Variants in ARMC8 observed in about 807,000 individuals in gnomAD.
ARMC8 encodes the protein armadillo repeat-containing protein 8.
ARMC8 carries 20 observed loss-of-function variants against 99.3 expected under a neutral mutation model. The ratio of observed to expected loss-of-function variants is 0.20; its 90% CI spans 0.14 to 0.29. ARMC8 has a LOEUF of 0.29. ARMC8 is among the 10% of genes least tolerant of loss of function. ARMC8 has a pLI of 1.00. For missense variants in ARMC8, 569 were observed against 809.5 expected, an observed-to-expected ratio of 0.70 and a Z score of 3.60; for synonymous variants, 263 against 278.3, an observed-to-expected ratio of 0.95 and a Z score of 0.55.
intron 12 of ARMC8, among the ~76,000 whole-genome samples, chr3:138,258,464 G>A (rs1472219431): frequency 6.6e-6 from 1 of 152,202 alleles, no homozygotes; most frequent in African/African-American, 2.4e-5. Flanking sequence ...TGGAGGGCTG[G>A]GAAGTTCCCT....
rs143705679 is a variant in ARMC8 at position 138,234,739 on chromosome 3, G to A, written c.529-295G>A. On this transcript the variant is annotated intron_variant, in intron 6 of 21. Coordinates refer to ENST00000469044, the MANE Select transcript of ARMC8 (RefSeq NM_001363941.2). ...TTTAATAATTGCAGAGGACTTGGGC[G>A]TTCTATTTAATAATTGCAGAGGACT... Among the ~76,000 whole-genome samples the A allele has an allele frequency of 2.7e-3, 411 of 152,246 alleles. 4 individuals carry two copies. Among genetic ancestry groups the A allele is most frequent in the African/African-American group, 9.3e-3 (388 of 41,514 alleles).
chr3:138,245,736 T>A, intron 12 of ARMC8: 1 of 992,436 alleles, frequency 1.0e-6, no homozygotes, highest in Non-Finnish European at 1.2e-6. Context: ...AGAAAATGTA[T>A]GCACTGGTAT....
intron 20 of ARMC8, 82 bp from the exon 21 acceptor site, chr3:138,290,464 T>G: frequency 9.6e-7 from 1 of 1,039,778 alleles, no homozygotes. Flanking sequence ...AGGACACTGG[T>G]AAGGCTCTAG....
At chr3:138,245,907 A>C (rs1282907793) in intron 12 of ARMC8, 6 of 985,464 alleles carry the variant, frequency 6.1e-6, no homozygotes, top group Non-Finnish European at 7.2e-6. Flanking sequence ...AACCTAATAA[A>C]TTCTACACAA....
At chr3:138,292,487 T>C (rs2051057218) in intron 21 of ARMC8, among the ~76,000 whole-genome samples, 1 of 152,090 alleles carries the variant, frequency 6.6e-6, no homozygotes, top group Non-Finnish European at 1.5e-5. Flanking sequence ...TATTGAGAAG[T>C]GGTTGGATTC....
intron 2 of ARMC8, among the ~76,000 whole-genome samples, chr3:138,215,018 A>G (rs1248799447): frequency 6.6e-6 from 1 of 152,174 alleles, no homozygotes; most frequent in Non-Finnish European, 1.5e-5. Context: ...TGATAGAGTG[A>G]TCTGCATCTT....
Position 138,239,509 on chromosome 3 carries a change from A to T in ARMC8, c.818A>T (p.Asp273Val). ...MCRAGAIRTDDNCIVLKTLPC... is the reference protein window; with the variant it reads ...MCRAGAIRTDVNCIVLKTLPC... The stretch of plus-strand genomic sequence containing the variant: ...AGAGCTGGAGCAATTCGGACAGATG[A>T]TAACTGTATTGTATTAAAGGTAAGC... The change falls in exon 10 of 22, where the codon GAT becomes GTT. Residue 273 changes from aspartate (D) to valine (V), a missense_variant. Physicochemically the swap from Asp to Val is radical, Grantham distance 152. Coordinates refer to ENST00000469044, the MANE Select transcript of ARMC8 (RefSeq NM_001363941.2). 2.5e-6 allele frequency: 4 copies of T among 1,600,228 alleles called. No homozygotes were observed. The highest frequency in any genetic ancestry group is 3.4e-6 in the Non-Finnish European group (4 of 1,173,002).
intron 1 of ARMC8, among the ~76,000 whole-genome samples, chr3:138,201,602 C>G (rs1363418680): frequency 6.6e-6 from 1 of 151,624 alleles, no homozygotes; most frequent in African/African-American, 2.4e-5. Flanking sequence ...GGTAGCATTA[C>G]AGGCACACGC....
intron 1 of ARMC8, among the ~76,000 whole-genome samples, chr3:138,206,857 A>G (rs1034116194): frequency 1.3e-5 from 2 of 152,210 alleles, no homozygotes; most frequent in African/African-American, 2.4e-5. Context: ...TGAGCAACTT[A>G]TATGATTATT....
chr3:138,211,775 A>G (rs963212997), intron 2 of ARMC8, among the ~76,000 whole-genome samples: 1 of 152,232 alleles, frequency 6.6e-6, no homozygotes, highest in African/African-American at 2.4e-5. Context: ...CATCATCTGT[A>G]AAGATAACAC....
chr3:138,235,185 T>C, intron 7 of ARMC8, 71 bp downstream of exon 7: 1 of 1,077,886 alleles, frequency 9.3e-7, no homozygotes, highest in Admixed American at 2.1e-5. Flanking sequence ...CCCACATATT[T>C]TTATTGTTTC....
At chr3:138,231,487 T>C (rs966621458) in intron 6 of ARMC8, among the ~76,000 whole-genome samples, 2 of 152,182 alleles carry the variant, frequency 1.3e-5, no homozygotes, top group African/African-American at 4.8e-5. Flanking sequence ...ATCATAATTA[T>C]ATTTTTGAAA....
intron 21 of ARMC8, 101 bp from the exon 22 acceptor site, chr3:138,295,758 T>C: frequency 1.5e-6 from 2 of 1,374,456 alleles, no homozygotes; most frequent in Middle Eastern, 1.8e-4. Context: ...CTCTGGAGAT[T>C]TACTTTTTTA....
intron 1 of ARMC8, among the ~76,000 whole-genome samples, chr3:138,200,323 G>GTTTACTTCAATACAATAAATGATA (rs370520603): frequency 4.0e-4 from 61 of 152,124 alleles, no homozygotes; most frequent in African/African-American, 1.4e-3. Flanking sequence ...ATGTTGTAAT[G>GTTTACTTCAATACAATAAATGATA]TTTTTATGTG....
At chr3:138,277,985 A>G (rs1436234619) in intron 18 of ARMC8, among the ~76,000 whole-genome samples, 1 of 152,250 alleles carries the variant, frequency 6.6e-6, no homozygotes, top group Non-Finnish European at 1.5e-5. Context: ...CGCTACATGA[A>G]AGATGCCAGA....
intron 14 of ARMC8, among the ~76,000 whole-genome samples, chr3:138,266,068 T>C (rs2048259043): frequency 6.6e-6 from 1 of 152,222 alleles, no homozygotes; most frequent in South Asian, 2.1e-4. Flanking sequence ...CAGAACAGTA[T>C]GTTTCTTTAA....
At chr3:138,240,787 T>G (rs1475213096) in intron 10 of ARMC8, among the ~76,000 whole-genome samples, 1 of 152,206 alleles carries the variant, frequency 6.6e-6, no homozygotes, top group Non-Finnish European at 1.5e-5. Context: ...ACATTTCAAT[T>G]TATACTTCCA....
rs960158864 is a variant in ARMC8 at position 138,298,202 on chromosome 3, C to G, written c.*2310C>G. On this transcript the variant is annotated 3_prime_UTR_variant, in exon 22 of 22. Transcript: ENST00000469044. ...CTCGCTCTAATACTGCATTCTGTTT[C>G]TCCTTTTGTGCCCTGATTGTAATCC... 1 of 152,182 alleles carries G rather than the reference C, an allele frequency of 6.6e-6. No individual in the cohort carries two copies. The highest frequency in any genetic ancestry group is 2.4e-5 in the African/African-American group (1 of 41,442). 9.4% of individuals were successfully genotyped at this position (152,182 alleles called of 1,614,324 possible).
chr3:138,284,888 C>T (rs1379299072), intron 19 of ARMC8, among the ~76,000 whole-genome samples: 1 of 152,232 alleles, frequency 6.6e-6, no homozygotes, highest in Non-Finnish European at 1.5e-5. Context: ...CCCCCTGGCA[C>T]CATAGTTCCT....
Sources: allele counts gnomAD v4.1 joint callset (sites outside exome capture counted in the v4.1 genomes callset), GRCh38; gene constraint gnomAD v4.1.1; transcripts MANE v1.5; gene names NCBI Gene and HGNC (gene_info 2026-07-23, HGNC 2026-07-21).